PTPRD: variants seen among roughly 807,000 people sequenced by gnomAD.
The protein encoded by PTPRD is receptor-type tyrosine-protein phosphatase delta.
Under a neutral mutation model 214.5 loss-of-function variants are expected in PTPRD, and 34 were observed. The observed-to-expected ratio is 0.16, with a 90% CI of 0.12 to 0.21. The LOEUF is 0.21. Among genes scored for constraint, PTPRD ranks in the 10% least tolerant of loss-of-function variants. PTPRD has a pLI of 1.00. For missense variants in PTPRD, 2,545 were observed against 2,398.7 expected, an observed-to-expected ratio of 1.06 and a Z score of -1.27; for synonymous variants, 1,128 against 845.7, an observed-to-expected ratio of 1.33 and a Z score of -5.79.
In PTPRD at chr9:10,218,961, G is replaced by A. The variant is rs564709871; in HGVS notation, c.-545+122002C>T. ...ACTATATACAGAGAGAAAATTAAAA[G>A]TAAGAAGAAAAAATTGTTACTGCAT... On this transcript the variant is annotated intron_variant, in intron 3 of 45. Coordinates refer to ENST00000381196, the MANE Select transcript of PTPRD (RefSeq NM_002839.4). Among the ~76,000 whole-genome samples, 6 of 151,784 alleles carry A rather than the reference G, an allele frequency of 4.0e-5. No homozygotes were observed. The South Asian group carries it at 6.2e-4, about 16-fold the overall frequency.
intron 9 of PTPRD, among the ~76,000 whole-genome samples, chr9:9,344,376 A>G (rs1309111149): frequency 1.3e-5 from 2 of 152,144 alleles, no homozygotes; most frequent in African/African-American, 4.8e-5. Flanking sequence ...TACCTAATGC[A>G]TGCGGGGCTT....
intron 10 of PTPRD, among the ~76,000 whole-genome samples, chr9:9,153,984 G>A (rs1387760159): frequency 6.6e-6 from 1 of 152,158 alleles, no homozygotes; most frequent in Non-Finnish European, 1.5e-5. Flanking sequence ...TCCCTGCCCT[G>A]TTGACATTGA....
At chr9:9,948,815 G>T (rs1485142502) in intron 4 of PTPRD, among the ~76,000 whole-genome samples, 1 of 151,798 alleles carries the variant, frequency 6.6e-6, no homozygotes, top group African/African-American at 2.4e-5. Context: ...GTAGGTATAA[G>T]GGCAAAAAAG....
intron 10 of PTPRD, among the ~76,000 whole-genome samples, chr9:9,067,232 AAAACAAACAGAC>A (rs1160253445): frequency 2.0e-5 from 3 of 152,226 alleles, no homozygotes; most frequent in Non-Finnish European, 4.4e-5. Flanking sequence ...CTCCGTCTCA[AAAACAAACAGAC>A]AAACAAACAA....
At chr9:8,524,664 TA>T (rs2097969740) in intron 18 of PTPRD, 1 of 554,808 alleles carries the variant, frequency 1.8e-6, no homozygotes, top group African/African-American at 1.9e-5. Flanking sequence ...ATCAATACAG[TA>T]AAAATAGAAA....
chr9:10,185,663 A>G (rs749108042), intron 3 of PTPRD, among the ~76,000 whole-genome samples: 1 of 152,164 alleles, frequency 6.6e-6, no homozygotes, highest in Non-Finnish European at 1.5e-5. Flanking sequence ...TGCTTTTTAA[A>G]TGTCAGTTAT....
intron 8 of PTPRD, among the ~76,000 whole-genome samples, chr9:9,504,123 C>A (rs1346059743): frequency 2.0e-5 from 3 of 151,724 alleles, no homozygotes; most frequent in African/African-American, 7.3e-5. Flanking sequence ...TTTACAGAGT[C>A]TCTCTCTATT....
chr9:10,248,638 T>G (rs564753555), intron 3 of PTPRD, among the ~76,000 whole-genome samples: 1 of 151,886 alleles, frequency 6.6e-6, no homozygotes, highest in South Asian at 2.1e-4. Context: ...ATGAGAACCA[T>G]GAAAAAGAGA....
intron 14 of PTPRD, among the ~76,000 whole-genome samples, chr9:8,538,302 A>G (rs983801724): frequency 6.6e-6 from 1 of 151,954 alleles, no homozygotes; most frequent in Non-Finnish European, 1.5e-5. Context: ...TTTTTAGAAA[A>G]TAATTTTTTA....
chr9:9,238,313 T>C (rs183049060), intron 9 of PTPRD, among the ~76,000 whole-genome samples: 1 of 152,192 alleles, frequency 6.6e-6, no homozygotes, highest in East Asian at 1.9e-4. Context: ...ACTTGACCTT[T>C]GGGTTTGCAG....
At chr9:9,423,997 C>T (rs927141644) in intron 8 of PTPRD, among the ~76,000 whole-genome samples, 5 of 152,286 alleles carry the variant, frequency 3.3e-5, no homozygotes, top group African/African-American at 1.2e-4. Context: ...GAAGTATTGG[C>T]AACTCAAGCC....
At chr9:9,191,259 G>C (rs1255046292) in intron 9 of PTPRD, among the ~76,000 whole-genome samples, 1 of 152,078 alleles carries the variant, frequency 6.6e-6, no homozygotes, top group Non-Finnish European at 1.5e-5. Flanking sequence ...TTACGACAGA[G>C]ACTACTGAAG....
At chr9:8,343,751 A>AT (rs1460087521) in intron 39 of PTPRD, among the ~76,000 whole-genome samples, 3 of 152,042 alleles carry the variant, frequency 2.0e-5, no homozygotes, top group African/African-American at 7.2e-5. Flanking sequence ...TAAAAAAAAT[A>AT]TTTGTGTGCC....
At chr9:9,360,892 G>A (rs1418741325) in intron 9 of PTPRD, among the ~76,000 whole-genome samples, 1 of 151,000 alleles carries the variant, frequency 6.6e-6, no homozygotes, top group Non-Finnish European at 1.5e-5. Context: ...GGGAAATATA[G>A]CTTAAGGCAA....
At chr9:9,225,036 A>G (rs1482340442) in intron 9 of PTPRD, among the ~76,000 whole-genome samples, 3 of 152,040 alleles carry the variant, frequency 2.0e-5, no homozygotes, top group African/African-American at 7.2e-5. Context: ...ACTGGCATCT[A>G]TGGCAACTCA....
At chr9:8,408,360 G>A (rs2093216852) in intron 35 of PTPRD, among the ~76,000 whole-genome samples, 1 of 152,022 alleles carries the variant, frequency 6.6e-6, no homozygotes, top group Non-Finnish European at 1.5e-5. Context: ...TGGTTTTCCT[G>A]AGCTTGACTC....
intron 8 of PTPRD, among the ~76,000 whole-genome samples, chr9:9,528,292 C>A (rs571104421): frequency 1.3e-5 from 2 of 152,206 alleles, no homozygotes; most frequent in Non-Finnish European, 2.9e-5. Flanking sequence ...TAAAAATATT[C>A]CTGGAACTGT....
At chr9:9,595,946 T>A (rs1563942961) in intron 7 of PTPRD, among the ~76,000 whole-genome samples, 2 of 148,566 alleles carry the variant, frequency 1.3e-5, no homozygotes, top group African/African-American at 2.5e-5. Flanking sequence ...CCTATGGAAA[T>A]AAAAAAAAAA....
intron 11 of PTPRD, among the ~76,000 whole-genome samples, chr9:8,803,240 A>T (rs1280599247): frequency 1.3e-5 from 2 of 152,168 alleles, no homozygotes; most frequent in African/African-American, 4.8e-5. Context: ...TGTGAAAAAA[A>T]GTCCCCTTCT....
Sources: gnomAD v4.1 joint callset for allele counts (sites outside exome capture counted in the v4.1 genomes callset) on GRCh38, gnomAD v4.1.1 for gene constraint, MANE v1.5 for transcripts, NCBI Gene and HGNC (gene_info 2026-07-23, HGNC 2026-07-21) for gene names.